Variants in UHRF1 observed in about 807,000 individuals in gnomAD.
The protein encoded by UHRF1 is ubiquitin like with PHD and ring finger domains 1.
In UHRF1, 9 loss-of-function variants were observed where a neutral mutation model predicts 96.5. That is an observed-to-expected ratio of 0.09 (90% CI 0.06 to 0.16). The LOEUF (loss-of-function observed/expected upper bound fraction) is 0.16, where lower values mean the gene tolerates loss of function less well. Ranked by LOEUF, UHRF1 falls within the 10% of genes least tolerant of loss-of-function variation. UHRF1 has a pLI of 1.00. For synonymous variants in UHRF1, 455 were observed against 469.9 expected, an observed-to-expected ratio of 0.97 and a Z score of 0.41; for missense variants, 626 against 1,131.1, an observed-to-expected ratio of 0.55 and a Z score of 6.40.
At chr19:4,908,975 G>A (rs1599230725), upstream of UHRF1, among the ~76,000 whole-genome samples, 1 of 152,142 alleles carries the variant, frequency 6.6e-6, no homozygotes, top group Non-Finnish European at 1.5e-5. Context: ...AAAACGAGGC[G>A]GGAAAAGACA....
rs1363963840 is a variant in UHRF1, at chr19:4,945,749, TG to T, written c.1306-110del. On this transcript the variant is annotated intron_variant, in intron 9 of 16. Coordinates refer to ENST00000650932, the MANE Select transcript of UHRF1 (RefSeq NM_001048201.3). Reference sequence around the variant, plus strand: ...AGGTGACTCGCAGGCCTGAGGAGTTTGGTGTAAAAGTGAGGCCGCTGGCTGC... The same window carrying T: ...AGGTGACTCGCAGGCCTGAGGAGTTTGTGTAAAAGTGAGGCCGCTGGCTGC... 8.5e-6 allele frequency: 7 copies of T among 819,984 alleles called. No individual in the cohort carries two copies. The African/African-American group carries it at 1.2e-4, about 14-fold the overall frequency. 50.8% of individuals were successfully genotyped at this position (819,984 alleles called of 1,614,324 possible). A position where few individuals can be genotyped will look rare whatever the true frequency, so the allele number is the denominator to read the frequency against.
chr19:4,946,987 C>T (rs1004799778), intron 10 of UHRF1, 118 bp from the exon 11 acceptor site: 14 of 767,994 alleles, frequency 1.8e-5, no homozygotes, highest in Admixed American at 1.1e-4. Context: ...TTCTCACCAA[C>T]GCTTGTTATT....
intron 11 of UHRF1, 133 bp downstream of exon 11, chr19:4,947,344 G>A: frequency 2.5e-6 from 2 of 809,840 alleles, no homozygotes; most frequent in South Asian, 1.7e-5. Context: ...CTGGCATTTG[G>A]TTCCTCCCTC....
At chr19:4,910,452 C>G (rs538735286) in intron 1 of UHRF1, 1 of 154,000 alleles carries the variant, frequency 6.5e-6, no homozygotes, top group African/African-American at 2.4e-5. Flanking sequence ...CCCGGGACTT[C>G]TGAAGTTCCG....
Position 4,956,804 on chromosome 19 carries a change from C to T in UHRF1, c.2226C>T (p.Asn742=), listed in dbSNP as rs767518360. 2.8e-5 allele frequency: 45 copies of T among 1,607,232 alleles called. No individual in the cohort carries two copies. The highest frequency in any genetic ancestry group is 2.2e-4 in the East Asian group (10 of 44,690). The stretch of plus-strand genomic sequence containing the variant: ...CCATCACGACCGTGTGCCAGCACAA[C>T]GTGTGCAAGGTGAGTAGAGATGGCC... The part of the protein sequence containing the change: ...FRPITTVCQH[N]VCKDCLDRSF... Residue 742 remains asparagine, a synonymous_variant, in exon 16 of 17, where the codon AAC becomes AAT. Coordinates refer to ENST00000650932, the MANE Select transcript of UHRF1 (RefSeq NM_001048201.3).
intron 7 of UHRF1, among the ~76,000 whole-genome samples, chr19:4,943,360 C>T (rs184495427): frequency 2.0e-5 from 3 of 152,196 alleles, no homozygotes; most frequent in Admixed American, 1.3e-4. Flanking sequence ...GAGGAGGTTT[C>T]GTAGCCACTG....
upstream of UHRF1, among the ~76,000 whole-genome samples, chr19:4,907,963 C>A (rs913435133): frequency 6.6e-6 from 1 of 152,024 alleles, no homozygotes; most frequent in Non-Finnish European, 1.5e-5. Flanking sequence ...CTGCCTGCCT[C>A]GGCCTCCCAA....
rs114118673 is a variant in UHRF1 at position 4,936,350 on chromosome 19, A to T, written c.785+3394A>T. On this transcript the variant is annotated intron_variant, in intron 5 of 16. Transcript: ENST00000650932. ...GATTGCAGTCCCTGTCTTAGGAGGC[A>T]CCCAGCCTGGTGTGGGAGACAGATC... 5.5e-3 allele frequency among the ~76,000 whole-genome samples: 839 copies of T among 152,286 alleles called. 5 individuals are homozygous for T. The highest frequency in any genetic ancestry group is 0.019 in the African/African-American group (801 of 41,558).
chr19:4,942,303 G>A (rs983415509), intron 7 of UHRF1, among the ~76,000 whole-genome samples: 2 of 151,960 alleles, frequency 1.3e-5, no homozygotes. Context: ...CCATTCTCCT[G>A]CCTCAGCCTC....
At position 4,954,910 on chromosome 19, in the gene UHRF1, A is replaced by G. The variant is rs1007049655; in HGVS notation, c.2130+88A>G. On this transcript the variant is annotated intron_variant, in intron 15 of 16. Coordinates refer to ENST00000650932, the MANE Select transcript of UHRF1 (RefSeq NM_001048201.3). The surrounding 1 kb of genome is among the most constrained non-coding windows in gnomAD (Gnocchi z 5.9). ...TTGTTTCCCATGTTCCCCATTTTCA[A>G]GTGTACAGCTCAGTCGCACTGAGTA... 4.7e-5 allele frequency: 72 copies of G among 1,521,154 alleles called. No individual in the cohort carries two copies. The African/African-American group carries it at 8.9e-4, about 19-fold the overall frequency. 94.2% of individuals were successfully genotyped at this position (1,521,154 alleles called of 1,614,324 possible).
In UHRF1 at chr19:4,961,946, C is replaced by T. The variant is rs901472875; in HGVS notation, c.*1143C>T. 9.2e-5 allele frequency: 14 copies of T among 151,686 alleles called. No homozygotes were observed. The highest frequency in any genetic ancestry group is 3.3e-4 in the Admixed American group (5 of 15,140). The allele number at this position is 151,686 out of a possible 1,614,324, so 9.4% of individuals were successfully genotyped here. On this transcript the variant is annotated 3_prime_UTR_variant, in exon 17 of 17. Transcript: ENST00000650932. ...TTTCTAATTTTACCAAAGTTTGCAGCCTATACCTCAATAAAACAGGGATAT... is the reference window on the plus strand; with the variant it reads ...TTTCTAATTTTACCAAAGTTTGCAGTCTATACCTCAATAAAACAGGGATAT...
intron 10 of UHRF1, 106 bp from the exon 11 acceptor site, chr19:4,946,999 T>G (rs1016303095): frequency 1.2e-6 from 1 of 851,648 alleles, no homozygotes; most frequent in African/African-American, 1.7e-5. Context: ...CTTGTTATTT[T>G]CTGTTTCTTT....
At chr19:4,933,138 C>T (rs527953104) in intron 5 of UHRF1, among the ~76,000 whole-genome samples, 182 bp downstream of exon 5, 4 of 152,318 alleles carry the variant, frequency 2.6e-5, no homozygotes, top group African/African-American at 4.8e-5. Flanking sequence ...TTTCTAAGAC[C>T]GACCACCTTG....
rs142944893 is a variant in UHRF1, at chr19:4,916,658, T to G, written c.153+5620T>G. On this transcript the variant is annotated intron_variant, in intron 2 of 16. Transcript: ENST00000650932. ...CGTCCACGCCACCGCCGCCCCCTCT[T>G]GTGGGTTCTGTCTCCTCCGTGTCTA... is the stretch of plus-strand genomic sequence containing the variant. 6.2e-3 allele frequency among the ~76,000 whole-genome samples: 923 copies of G among 148,834 alleles called. 5 individuals carry two copies. Among genetic ancestry groups the G allele is most frequent in the South Asian group, 0.015 (71 of 4,820 alleles).
intron 1 of UHRF1, 53 bp from the exon 2 acceptor site, chr19:4,910,823 G>C (rs1356339771): frequency 6.5e-7 from 1 of 1,532,990 alleles, no homozygotes; most frequent in Non-Finnish European, 8.8e-7. Context: ...AGCATGGCAT[G>C]GCTCAGAGGT....
At position 4,960,668 on chromosome 19, in the gene UHRF1, C is replaced by T. The variant is rs1331684857; in HGVS notation, c.2247C>T (p.Asp749=). 3 of 1,612,152 alleles carry T rather than the reference C, an allele frequency of 1.9e-6. No homozygotes were observed. In the South Asian group the frequency reaches 3.3e-5, roughly 18 times the overall value. Residue 749 remains aspartate (D), a synonymous_variant, in exon 17 of 17, where the codon GAC becomes GAT. Transcript: ENST00000650932. The part of the protein sequence containing the change: ...CQHNVCKDCL[D]RSFRAQVFSC... Reference sequence around the variant, plus strand: ...GCTGTGTCTTACAGGACTGCCTGGACAGATCCTTTCGGGCACAGGTGTTCA... The same window carrying T: ...GCTGTGTCTTACAGGACTGCCTGGATAGATCCTTTCGGGCACAGGTGTTCA...
At chr19:4,940,608 C>T (rs1193482200) in intron 5 of UHRF1, among the ~76,000 whole-genome samples, 2 of 151,698 alleles carry the variant, frequency 1.3e-5, no homozygotes, top group Non-Finnish European at 2.9e-5. Flanking sequence ...CCTCGTGATC[C>T]ACCCACCTTG....
chr19:4,904,266 C>T (rs2146263695), intron 1 of UHRF1, among the ~76,000 whole-genome samples: 1 of 152,266 alleles, frequency 6.6e-6, no homozygotes, highest in East Asian at 1.9e-4. Flanking sequence ...GCAAGCTCCG[C>T]CTCCCGTGTT....
At chr19:4,917,070 T>TC (rs1465584635) in intron 2 of UHRF1, among the ~76,000 whole-genome samples, 37 of 69,572 alleles carry the variant, frequency 5.3e-4, no homozygotes, top group African/African-American at 2.0e-3. Flanking sequence ...GGCAGCTCGG[T>TC]GGGGGGGGGG....
Sources: allele counts gnomAD v4.1 joint callset (sites outside exome capture counted in the v4.1 genomes callset), GRCh38; gene constraint gnomAD v4.1.1; non-coding constraint Gnocchi (gnomAD v3.1); transcripts MANE v1.5; gene names NCBI Gene and HGNC (gene_info 2026-07-23, HGNC 2026-07-21).